MYO1B: variants seen among roughly 807,000 people sequenced by gnomAD.
MYO1B encodes unconventional myosin-Ib.
In MYO1B, 72 loss-of-function variants were observed where a neutral mutation model predicts 159.7. The observed-to-expected ratio is 0.45, with a 90% CI of 0.37 to 0.55. The LOEUF is 0.55. Ranked by LOEUF, MYO1B falls within the 20% of genes least tolerant of loss-of-function variation. The pLI is 0.00. For missense variants in MYO1B, 1,062 were observed against 1,364.8 expected (o/e 0.78, Z 3.50); for synonymous variants, 468 against 473.8 (o/e 0.99, Z 0.16).
chr2:191,316,030 T>C (rs187502496), intron 3 of MYO1B, among the ~76,000 whole-genome samples: 1 of 152,180 alleles, frequency 6.6e-6, no homozygotes, highest in African/African-American at 2.4e-5. Context: ...AATTAAAGAG[T>C]ACAAGGAACA....
At chr2:191,255,221 A>G (rs1203468927) in intron 1 of MYO1B, among the ~76,000 whole-genome samples, 1 of 152,092 alleles carries the variant, frequency 6.6e-6, no homozygotes, top group African/African-American at 2.4e-5. Flanking sequence ...GAGGCACTAC[A>G]CCCATCCTGT....
At chr2:191,342,708 G>A (rs752307051) in intron 5 of MYO1B, among the ~76,000 whole-genome samples, 28 of 152,066 alleles carry the variant, frequency 1.8e-4, no homozygotes, top group Non-Finnish European at 3.7e-4. Context: ...TTAGCTGGGC[G>A]TGGTGGCACA....
At chr2:191,383,588 T>G (rs1695224984) in intron 15 of MYO1B, among the ~76,000 whole-genome samples, 1 of 149,520 alleles carries the variant, frequency 6.7e-6, no homozygotes. Context: ...TCTAGAGATT[T>G]TATTGTAGCC....
At chr2:191,302,935 A>G (rs1689423494) in intron 3 of MYO1B, among the ~76,000 whole-genome samples, 1 of 152,132 alleles carries the variant, frequency 6.6e-6, no homozygotes, top group South Asian at 2.1e-4. Context: ...TTTGACCCCT[A>G]CTTTTGGGCC....
At position 191,280,471 on chromosome 2, in the gene MYO1B, A is replaced by G. The variant is rs1347315563; in HGVS notation, c.135+3441A>G. 4.6e-5 allele frequency among the ~76,000 whole-genome samples: 7 copies of G among 152,336 alleles called. No homozygotes were observed. In the East Asian group the frequency reaches 1.4e-3, roughly 29 times the overall value. On this transcript the variant is annotated intron_variant, in intron 2 of 30. Coordinates refer to ENST00000392318, the MANE Select transcript of MYO1B (RefSeq NM_001130158.3). ...GGCTTCATAGTAGCAAACCAGCTGC[A>G]GCATTCCAGGCTTTGCATTCCCGCA...
chr2:191,344,336 C>A (rs1035759483), intron 5 of MYO1B, among the ~76,000 whole-genome samples: 1 of 152,170 alleles, frequency 6.6e-6, no homozygotes, highest in African/African-American at 2.4e-5. Context: ...CTCCAGCAAG[C>A]ATCCTTTTTT....
At chr2:191,348,284 C>G (rs115347460) in intron 6 of MYO1B, among the ~76,000 whole-genome samples, 1 of 152,152 alleles carries the variant, frequency 6.6e-6, no homozygotes, top group East Asian at 1.9e-4. Flanking sequence ...CATGATGTTA[C>G]GCCTACTTCA....
intron 7 of MYO1B, among the ~76,000 whole-genome samples, chr2:191,351,677 A>C (rs1364372079): frequency 6.6e-6 from 1 of 152,182 alleles, no homozygotes; most frequent in African/African-American, 2.4e-5. Flanking sequence ...ACCTGAGCTC[A>C]TCAGTTTGAG....
chr2:191,247,376 G>C (rs192562853), intron 1 of MYO1B, among the ~76,000 whole-genome samples: 1 of 152,256 alleles, frequency 6.6e-6, no homozygotes, highest in African/African-American at 2.4e-5. Flanking sequence ...GGAGCTTGCT[G>C]TGGGGGAAAA....
At chr2:191,408,834 T>G (rs138000296) in intron 25 of MYO1B, among the ~76,000 whole-genome samples, 1 of 152,258 alleles carries the variant, frequency 6.6e-6, no homozygotes, top group African/African-American at 2.4e-5. Context: ...ATTACTATTC[T>G]TCTTTTCTCT....
chr2:191,281,089 G>A (rs573707882), intron 2 of MYO1B, among the ~76,000 whole-genome samples: 1 of 152,326 alleles, frequency 6.6e-6, no homozygotes, highest in Admixed American at 6.5e-5. Flanking sequence ...GTGCAGATGG[G>A]TTGTTTTGAA....
At chr2:191,400,866 C>T (rs763210036) in intron 23 of MYO1B, 31 bp downstream of exon 23, 85 of 1,598,242 alleles carry the variant, frequency 5.3e-5, no homozygotes, top group Non-Finnish European at 6.9e-5. Context: ...AACACTCCAT[C>T]CTGGAATTCT....
chr2:191,400,766 AC>A lies in MYO1B; in HGVS notation c.2401del (p.Arg801GlyfsTer2). 1 of 1,614,006 alleles carries A rather than the reference AC, an allele frequency of 6.2e-7. No homozygotes were observed. Among genetic ancestry groups the A allele is most frequent in the Non-Finnish European group, 8.5e-7 (1 of 1,179,892 alleles). ...CATCACAGGCACGAAGGGAACTGAG[AC>A]GGCTGAAGGAGGAGGCTAGGAATAA... is the stretch of plus-strand genomic sequence containing the variant. ...HGTQARRELR[R>X]LKEEARNKHA... On this transcript the variant is annotated frameshift_variant, in exon 23 of 31. Transcript: ENST00000392318. LOFTEE classifies it high-confidence loss of function.
At chr2:191,322,591 G>A (rs1395574385) in intron 3 of MYO1B, among the ~76,000 whole-genome samples, 1 of 151,996 alleles carries the variant, frequency 6.6e-6, no homozygotes, top group Non-Finnish European at 1.5e-5. Context: ...AAAATTTTGG[G>A]GTGTCCCTAA....
rs539282502 is a variant in MYO1B, at chr2:191,317,973, G to GA, written c.252-11960dup. ...ATTAATTTTATTTCTTTTTTTGCAT[G>GA]AATATGAGAAAAGGTGATGTTAGGA... On this transcript the variant is annotated intron_variant, in intron 3 of 30. Coordinates refer to ENST00000392318, the MANE Select transcript of MYO1B (RefSeq NM_001130158.3). Among the ~76,000 whole-genome samples, 6 of 152,116 alleles carry GA rather than the reference G, an allele frequency of 3.9e-5. No individual in the cohort carries two copies. The South Asian group carries it at 1.0e-3, about 26-fold the overall frequency.
intron 26 of MYO1B, 109 bp downstream of exon 26, chr2:191,409,287 G>T (rs927523360): frequency 1.1e-5 from 13 of 1,229,358 alleles, no homozygotes; most frequent in Middle Eastern, 2.8e-4. Flanking sequence ...CCTCAAAGAG[G>T]ATTACTTGAG....
chr2:191,315,827 A>G (rs1029469686), intron 3 of MYO1B, among the ~76,000 whole-genome samples: 6 of 152,268 alleles, frequency 3.9e-5, no homozygotes, highest in African/African-American at 1.2e-4. Flanking sequence ...ATTTAGATTT[A>G]GGAAAAGCAA....
chr2:191,401,064 C>T (rs1429520514), intron 23 of MYO1B, among the ~76,000 whole-genome samples: 2 of 152,136 alleles, frequency 1.3e-5, no homozygotes, highest in African/African-American at 2.4e-5. Flanking sequence ...GCACTAGTAT[C>T]ATTGCTCTTT....
chr2:191,337,670 C>T (rs1460004416), intron 4 of MYO1B, among the ~76,000 whole-genome samples: 2 of 151,998 alleles, frequency 1.3e-5, no homozygotes, highest in Non-Finnish European at 2.9e-5. Flanking sequence ...CGTAAGTTTA[C>T]ATATATAAAG....
Sources: gnomAD v4.1 joint callset for allele counts (sites outside exome capture counted in the v4.1 genomes callset) on GRCh38, gnomAD v4.1.1 for gene constraint, MANE v1.5 for transcripts, NCBI Gene and HGNC (gene_info 2026-07-23, HGNC 2026-07-21) for gene names.